The following CRYBG1 variants were observed in gnomAD, a reference collection of about 807,000 sequenced individuals.
The protein encoded by CRYBG1 is crystallin beta-gamma domain containing 1.
In CRYBG1, 139 loss-of-function variants were observed where a neutral mutation model predicts 189.2. The observed-to-expected ratio is 0.73, with a 90% CI of 0.64 to 0.85. CRYBG1 has a LOEUF of 0.85. Ranked by LOEUF, CRYBG1 falls within the 40% of genes least tolerant of loss-of-function variation. The probability of loss-of-function intolerance (pLI) is 0.00; values close to 1 mark genes in which losing one functional copy is unlikely to be tolerated. For missense variants in CRYBG1, 2,611 were observed against 2,675.8 expected (o/e 0.98, Z 0.53); for synonymous variants, 1,023 against 1,017.1 (o/e 1.01, Z -0.11).
chr6:106,381,296 C>T (rs750225998), intron 1 of CRYBG1, among the ~76,000 whole-genome samples: 4 of 152,118 alleles, frequency 2.6e-5, no homozygotes, highest in Admixed American at 6.6e-5. Context: ...GCTTTCTTTA[C>T]AGGTTTGAAT....
intron 8 of CRYBG1, among the ~76,000 whole-genome samples, chr6:106,533,579 C>T (rs1042414637): frequency 3.3e-5 from 5 of 152,150 alleles, no homozygotes; most frequent in East Asian, 3.9e-4. Flanking sequence ...GTGGCTTAGA[C>T]GTGCGATGGT....
At chr6:106,530,757 A>G (rs1328501942) in intron 8 of CRYBG1, among the ~76,000 whole-genome samples, 1 of 152,214 alleles carries the variant, frequency 6.6e-6, no homozygotes, top group African/African-American at 2.4e-5. Context: ...GGTTTCACAA[A>G]TCACAGGAAA....
intron 1 of CRYBG1, among the ~76,000 whole-genome samples, chr6:106,386,038 G>A (rs1002544231): frequency 2.1e-4 from 32 of 152,300 alleles, no homozygotes; most frequent in African/African-American, 7.2e-4. Flanking sequence ...TTAATGCAGG[G>A]TACTTGGTCT....
intron 1 of CRYBG1, among the ~76,000 whole-genome samples, chr6:106,447,160 T>C (rs1771678186): frequency 6.6e-6 from 1 of 152,220 alleles, no homozygotes; most frequent in Non-Finnish European, 1.5e-5. Flanking sequence ...GGTTGTTTTA[T>C]GTTATTTACC....
chr6:106,380,260 A>G (rs866982205), intron 1 of CRYBG1, among the ~76,000 whole-genome samples: 1 of 152,218 alleles, frequency 6.6e-6, no homozygotes, highest in Non-Finnish European at 1.5e-5. Flanking sequence ...TTAAATATTG[A>G]GCAATTTCAA....
At chr6:106,465,523 C>A (rs1297308075) in intron 2 of CRYBG1, among the ~76,000 whole-genome samples, 1 of 152,174 alleles carries the variant, frequency 6.6e-6, no homozygotes, top group African/African-American at 2.4e-5. Flanking sequence ...AAGCTCCATA[C>A]CATGTCTTCA....
At chr6:106,391,927 ACG>A (rs797003182) in intron 1 of CRYBG1, among the ~76,000 whole-genome samples, 4,743 of 130,162 alleles carry the variant, frequency 0.036, 115 homozygotes, top group Non-Finnish European at 0.05. Context: ...GTTGTTTAAA[ACG>A]TGTGTGTGTG....
At chr6:106,537,526 G>C (rs914385182) in intron 8 of CRYBG1, among the ~76,000 whole-genome samples, 1 of 152,130 alleles carries the variant, frequency 6.6e-6, no homozygotes. Flanking sequence ...TTTTCTTGTG[G>C]TTTAGAAGCA....
At chr6:106,518,340 C>T (rs566044004) in intron 3 of CRYBG1, among the ~76,000 whole-genome samples, 315 of 152,034 alleles carry the variant, frequency 2.1e-3, no homozygotes, top group African/African-American at 7.4e-3. Flanking sequence ...ATATCCAAAG[C>T]GGTCAATAGT....
intron 1 of CRYBG1, among the ~76,000 whole-genome samples, chr6:106,391,647 G>A (rs1374109862): frequency 1.3e-5 from 2 of 151,912 alleles, no homozygotes; most frequent in Non-Finnish European, 2.9e-5. Flanking sequence ...TACATGTCAG[G>A]ATCTTCTTAA....
At chr6:106,526,977 A>AT (rs1402773145) in intron 6 of CRYBG1, among the ~76,000 whole-genome samples, 1 of 150,698 alleles carries the variant, frequency 6.6e-6, no homozygotes, top group African/African-American at 2.4e-5. Context: ...AAAAAAAAAA[A>AT]CCTAGTACAG....
intron 1 of CRYBG1, among the ~76,000 whole-genome samples, chr6:106,371,323 T>C (rs1045160503): frequency 2.6e-5 from 4 of 152,242 alleles, no homozygotes; most frequent in African/African-American, 9.6e-5. Context: ...ACATTCACAC[T>C]GAAATTCAAT....
At chr6:106,505,219 C>T (rs1238427933) in intron 2 of CRYBG1, among the ~76,000 whole-genome samples, 1 of 152,068 alleles carries the variant, frequency 6.6e-6, no homozygotes, top group Middle Eastern at 3.2e-3. Flanking sequence ...CTCAGCCTCC[C>T]AAGTAGCTGG....
At chr6:106,483,356 T>TTG (rs367865745) in intron 2 of CRYBG1, among the ~76,000 whole-genome samples, 2,255 of 131,908 alleles carry the variant, frequency 0.017, 64 homozygotes, top group African/African-American at 0.041. Context: ...TAGTATTCCA[T>TTG]TGTGTGTGTG....
intron 1 of CRYBG1, among the ~76,000 whole-genome samples, chr6:106,423,695 CTTTTTTTTT>C (rs869170326): frequency 2.3e-5 from 1 of 42,918 alleles, no homozygotes; most frequent in African/African-American, 7.2e-5. Flanking sequence ...TCTCCCTCCC[CTTTTTTTTT>C]TTTTTTTTTT....
chr6:106,556,781 C>T (rs1185618088), intron 17 of CRYBG1, among the ~76,000 whole-genome samples: 1 of 152,176 alleles, frequency 6.6e-6, no homozygotes, highest in African/African-American at 2.4e-5. Context: ...TGGTTTTCAT[C>T]TCATCCCTGC....
At chr6:106,566,201 A>G (rs1774882355) in intron 21 of CRYBG1, among the ~76,000 whole-genome samples, 1 of 149,592 alleles carries the variant, frequency 6.7e-6, no homozygotes, top group African/African-American at 2.5e-5. Context: ...CCTTGGCTTC[A>G]GACAGTTTAC....
Position 106,519,901 on chromosome 6 carries a change from C to T in CRYBG1, c.2693C>T (p.Pro898Leu), listed in dbSNP as rs774500042. 2 of 1,614,176 alleles carry T rather than the reference C, an allele frequency of 1.2e-6. No homozygotes were observed. Among genetic ancestry groups the T allele is most frequent in the South Asian group, 1.1e-5 (1 of 91,074 alleles). The change falls in exon 4 of 22, where the codon CCA becomes CTA. Residue 898 changes from proline to leucine, a missense_variant. By Grantham distance (98) the Pro-to-Leu change is moderately conservative. This residue lies in a region of CRYBG1 where 1,622 missense variants were observed against 1,735.0 expected (regional missense o/e 0.93). Transcript: ENST00000633556. ...TCVQSPISSF[P>L]CTDLKVSENH... The stretch of plus-strand genomic sequence containing the variant: ...GTTCAATCACCCATAAGCAGTTTCC[C>T]ATGCACTGATCTAAAAGTGTCAGAA...
At chr6:106,505,881 T>C (rs1052413219) in intron 2 of CRYBG1, among the ~76,000 whole-genome samples, 3 of 152,138 alleles carry the variant, frequency 2.0e-5, no homozygotes, top group Non-Finnish European at 4.4e-5. Flanking sequence ...AAAGCTAAGG[T>C]ATCTTTCAGA....
Sources: gnomAD v4.1 joint callset for allele counts (sites outside exome capture counted in the v4.1 genomes callset) on GRCh38, gnomAD v4.1.1 for gene constraint, gnomAD v4.1.1 regional missense constraint, MANE v1.5 for transcripts, NCBI Gene and HGNC (gene_info 2026-07-23, HGNC 2026-07-21) for gene names.